Variants in CAMK4 observed in about 807,000 individuals in gnomAD.
The protein encoded by CAMK4 is calcium/calmodulin-dependent protein kinase type IV.
A neutral mutation model predicts 44.9 loss-of-function variants in CAMK4; 22 were observed. That is an observed-to-expected ratio of 0.49 (90% confidence interval 0.35 to 0.70). CAMK4 has a LOEUF of 0.70. CAMK4 is among the 30% of genes least tolerant of loss of function. CAMK4 has a pLI of 0.01. For missense variants in CAMK4, 498 were observed against 586.8 expected (o/e 0.85, Z 1.56); for synonymous variants, 218 against 215.4 (o/e 1.01, Z -0.11).
chr5:111,439,139 T>C (rs1488447512), intron 5 of CAMK4, among the ~76,000 whole-genome samples: 1 of 152,176 alleles, frequency 6.6e-6, no homozygotes, highest in African/African-American at 2.4e-5. Context: ...TTGTGATCCC[T>C]ACTCAAGAGC....
intron 5 of CAMK4, among the ~76,000 whole-genome samples, chr5:111,403,265 A>G (rs976784287): frequency 3.9e-5 from 6 of 152,220 alleles, no homozygotes; most frequent in African/African-American, 1.4e-4. Flanking sequence ...TTTTGTTTCT[A>G]TGAATGTCAT....
chr5:111,466,468 G>C (rs1455692089), intron 7 of CAMK4, among the ~76,000 whole-genome samples: 6 of 152,104 alleles, frequency 3.9e-5, no homozygotes, highest in African/African-American at 7.2e-5. Flanking sequence ...CCTGCAAAAA[G>C]CTCCTAGATC....
chr5:111,326,301 ATAT>A (rs1236031933), intron 1 of CAMK4, among the ~76,000 whole-genome samples: 1 of 152,036 alleles, frequency 6.6e-6, no homozygotes, highest in Non-Finnish European at 1.5e-5. Context: ...TATTGAAAAG[ATAT>A]TATGAACAAA....
chr5:111,299,950 C>T (rs1383704706), intron 1 of CAMK4, among the ~76,000 whole-genome samples: 1 of 152,150 alleles, frequency 6.6e-6, no homozygotes, highest in East Asian at 1.9e-4. Context: ...GTGAGCTTTT[C>T]ATGGGGTCCC....
intron 1 of CAMK4, among the ~76,000 whole-genome samples, chr5:111,300,353 G>A (rs1747668067): frequency 6.6e-6 from 1 of 152,202 alleles, no homozygotes; most frequent in Non-Finnish European, 1.5e-5. Context: ...TTGCCTTGTG[G>A]GGGAGTAGGA....
Position 111,374,835 on chromosome 5 carries a change from T to C in CAMK4, c.241-15T>C, listed in dbSNP as rs1751151356. 5 of 1,572,348 alleles carry C rather than the reference T, an allele frequency of 3.2e-6. No individual in the cohort carries two copies. Among genetic ancestry groups the C allele is most frequent in the Non-Finnish European group, 4.4e-6 (5 of 1,142,770 alleles). On this transcript the variant is annotated splice_polypyrimidine_tract_variant and intron_variant, in intron 2 of 10. Transcript: ENST00000282356. ...GGAGTTTCTTTCAGTTTATCTCTTT[T>C]ATTTTGCCTTTTAGGTGGACAAAAA...
At chr5:111,442,517 CATATATAT>C (rs58032491) in intron 5 of CAMK4, among the ~76,000 whole-genome samples, 29 of 142,058 alleles carry the variant, frequency 2.0e-4, no homozygotes, top group African/African-American at 5.6e-4. Context: ...AAAACCAAAA[CATATATAT>C]ATATATATAT....
intron 4 of CAMK4, among the ~76,000 whole-genome samples, chr5:111,388,548 A>G (rs1235972762): frequency 6.6e-6 from 1 of 152,066 alleles, no homozygotes; most frequent in African/African-American, 2.4e-5. Flanking sequence ...AGATATAGCT[A>G]TTTCTGGAAT....
At chr5:111,436,897 A>T (rs1753665673) in intron 5 of CAMK4, among the ~76,000 whole-genome samples, 1 of 152,242 alleles carries the variant, frequency 6.6e-6, no homozygotes, top group African/African-American at 2.4e-5. Flanking sequence ...TATTCAGATC[A>T]ACTTCAAAGC....
At chr5:111,339,625 A>G (rs193163568) in intron 1 of CAMK4, among the ~76,000 whole-genome samples, 106 of 151,446 alleles carry the variant, frequency 7.0e-4, no homozygotes, top group African/African-American at 2.4e-3. Flanking sequence ...TTTGACTACT[A>G]TAGCTTTGTA....
chr5:111,343,984 C>A, intron 1 of CAMK4, 40 bp from the exon 2 acceptor site: 2 of 1,208,782 alleles, frequency 1.7e-6, no homozygotes, highest in Non-Finnish European at 2.4e-6. Context: ...AATTCATGTC[C>A]AAAGCATAAC....
intron 1 of CAMK4, among the ~76,000 whole-genome samples, chr5:111,332,310 A>T (rs982368335): frequency 2.5e-4 from 34 of 133,912 alleles, no homozygotes; most frequent in African/African-American, 8.7e-4. Context: ...ATTCCTATCT[A>T]TGCGTGAGAA....
intron 1 of CAMK4, among the ~76,000 whole-genome samples, chr5:111,331,991 A>C (rs892833144): frequency 1.3e-5 from 2 of 151,618 alleles, no homozygotes; most frequent in Non-Finnish European, 3.0e-5. Context: ...ATGAAATCTA[A>C]CTCCGTTTTA....
chr5:111,456,701 T>G (rs187493310), intron 7 of CAMK4, among the ~76,000 whole-genome samples: 42 of 152,256 alleles, frequency 2.8e-4, no homozygotes, highest in African/African-American at 8.9e-4. Flanking sequence ...TGGAATCTTT[T>G]TAAAGACTAC....
intron 2 of CAMK4, among the ~76,000 whole-genome samples, chr5:111,355,047 C>T (rs1028585755): frequency 6.6e-6 from 1 of 152,104 alleles, no homozygotes; most frequent in Admixed American, 6.6e-5. Flanking sequence ...TACTGATGTG[C>T]TCTGGAAGTA....
chr5:111,472,373 C>T, intron 7 of CAMK4, among the ~76,000 whole-genome samples: 1 of 152,180 alleles, frequency 6.6e-6, no homozygotes, highest in East Asian at 1.9e-4. Context: ...AAGTACGCTG[C>T]TGGCACCTGC....
intron 4 of CAMK4, among the ~76,000 whole-genome samples, chr5:111,378,284 C>T (rs1751289257): frequency 6.6e-6 from 1 of 152,068 alleles, no homozygotes; most frequent in Non-Finnish European, 1.5e-5. Flanking sequence ...TTTCCAGCCT[C>T]CAGACCTGTG....
intron 1 of CAMK4, among the ~76,000 whole-genome samples, chr5:111,233,371 C>A (rs546152230): frequency 4.6e-5 from 7 of 152,292 alleles, no homozygotes; most frequent in Non-Finnish European, 1.5e-5. Flanking sequence ...ACAGTTCTTA[C>A]CAATGTAACA....
At chr5:111,370,987 A>G (rs953790523) in intron 2 of CAMK4, among the ~76,000 whole-genome samples, 3 of 152,312 alleles carry the variant, frequency 2.0e-5, no homozygotes, top group African/African-American at 7.2e-5. Flanking sequence ...AGAAGATGAC[A>G]ATGCCATTTG....
Sources: allele counts gnomAD v4.1 joint callset (sites outside exome capture counted in the v4.1 genomes callset), GRCh38; gene constraint gnomAD v4.1.1; transcripts MANE v1.5; gene names NCBI Gene and HGNC (gene_info 2026-07-23, HGNC 2026-07-21).